The following RNF222 variants were observed in gnomAD, a reference collection of about 807,000 sequenced individuals.
RNF222 encodes ring finger protein 222.
A neutral mutation model predicts 10.8 loss-of-function variants in RNF222; 14 were observed. The ratio of observed to expected loss-of-function variants is 1.30; its 90% CI spans 0.86 to 2.03. The LOEUF (loss-of-function observed/expected upper bound fraction) is 2.03, where lower values mean the gene tolerates loss of function less well. RNF222 is among the 30% of genes most tolerant of loss of function. The pLI is 0.00. For synonymous variants in RNF222, 141 were observed against 142.5 expected, an observed-to-expected ratio of 0.99 and a Z score of 0.07; for missense variants, 298 against 295.8, an observed-to-expected ratio of 1.01 and a Z score of -0.06.
In RNF222 at chr17:8,393,539, G is replaced by C. The variant is rs1027359931; in HGVS notation, c.-25-53C>G. Reference sequence around the variant, plus strand: ...GGGGCATTTCCTCTTTCCCTCCCCCGTCCTAACTCCCACCTACACCTCTGC... The same window carrying C: ...GGGGCATTTCCTCTTTCCCTCCCCCCTCCTAACTCCCACCTACACCTCTGC... On this transcript the variant is annotated intron_variant, in intron 2 of 2. Transcript: ENST00000399398. 6.1e-6 allele frequency: 9 copies of C among 1,478,074 alleles called. No homozygotes were observed. The African/African-American group carries it at 1.3e-4, about 21-fold the overall frequency. 91.6% of individuals were successfully genotyped at this position (1,478,074 alleles called of 1,614,324 possible).
chr17:8,396,492 A>G (rs113389466), intron 1 of RNF222, among the ~76,000 whole-genome samples: 4,725 of 152,262 alleles, frequency 0.031, 234 homozygotes, highest in African/African-American at 0.1. Flanking sequence ...CGAGGCCCCA[A>G]TGATGGCCTC....
At chr17:8,395,111 C>G (rs902218800) in intron 1 of RNF222, among the ~76,000 whole-genome samples, 3 of 152,208 alleles carry the variant, frequency 2.0e-5, no homozygotes, top group African/African-American at 7.2e-5. Context: ...CCCTCCCTCT[C>G]TTGGCTTGGC....
In RNF222 at chr17:8,392,620, G is replaced by A. The variant is rs1463367450; in HGVS notation, c.*179C>T. 2 of 712,836 alleles carry A rather than the reference G, an allele frequency of 2.8e-6. No homozygotes were observed. Among genetic ancestry groups the A allele is most frequent in the South Asian group, 1.9e-5 (1 of 52,506 alleles). 44.2% of individuals were successfully genotyped at this position (712,836 alleles called of 1,614,324 possible). A position where few individuals can be genotyped will look rare whatever the true frequency, so the allele number is the denominator to read the frequency against. ...CGCCGCGCGCATGGAGTCAGCTCCA[G>A]CCTCTCTGTCGAGCGGAAGCCCCTG... On this transcript the variant is annotated 3_prime_UTR_variant, in exon 3 of 3. Coordinates refer to ENST00000399398, the MANE Select transcript of RNF222 (RefSeq NM_001146684.3). This position sits in a 1 kb window ranked among gnomAD's most constrained non-coding sequence, Gnocchi z 4.3.
chr17:8,392,180 TTC>T lies in RNF222; in HGVS notation c.*617_*618del, dbSNP rs1368053459. 6.6e-6 allele frequency: 1 copy of T among 152,620 alleles called. No homozygotes were observed. The highest frequency in any genetic ancestry group is 2.4e-5 in the African/African-American group (1 of 41,404). The allele number at this position is 152,620 out of a possible 1,614,324, so 9.5% of individuals were successfully genotyped here. ...GCCTCAGCTCTGCAGGAAGAACAGT[TTC>T]TGTTCATTCTCCCAGAAATTCTGGG... On this transcript the variant is annotated 3_prime_UTR_variant, in exon 3 of 3. Transcript: ENST00000399398. This position sits in a 1 kb window ranked among gnomAD's most constrained non-coding sequence, Gnocchi z 4.3.
rs771411181 is a variant in RNF222, at chr17:8,392,983, C to T, written c.479G>A (p.Gly160Glu). Residue 160 changes from glycine to glutamate, a missense_variant, in exon 3 of 3, where the codon GGG (glycine) becomes GAG (glutamate). By Grantham distance (98) the Gly-to-Glu change is moderately conservative. Coordinates refer to ENST00000399398, the MANE Select transcript of RNF222 (RefSeq NM_001146684.3). The surrounding 1 kb of genome is among the most constrained non-coding windows in gnomAD (Gnocchi z 4.3). ...FVISRHGMPL[G>E]EQDSVLPRRS... ...GCGGGGCAGCACGCTGTCCTGCTCC[C>T]CCAGGGGCATCCCGTGGCGGCTGAT... is the stretch of plus-strand genomic sequence containing the variant. 11 of 1,505,826 alleles carry T rather than the reference C, an allele frequency of 7.3e-6. No individual in the cohort carries two copies. The highest frequency in any genetic ancestry group is 5.5e-5 in the African/African-American group (4 of 72,322). 93.3% of individuals were successfully genotyped at this position (1,505,826 alleles called of 1,614,324 possible).
At chr17:8,396,341 T>C (rs1397066066) in intron 1 of RNF222, among the ~76,000 whole-genome samples, 3 of 152,076 alleles carry the variant, frequency 2.0e-5, no homozygotes, top group African/African-American at 4.8e-5. Flanking sequence ...TAGAATCAGC[T>C]GATAGATTGG....
intron 2 of RNF222, among the ~76,000 whole-genome samples, 200 bp downstream of exon 2, chr17:8,393,978 G>A (rs998817038): frequency 3.9e-5 from 6 of 152,230 alleles, no homozygotes; most frequent in African/African-American, 7.2e-5. Flanking sequence ...AGAAAAGCCC[G>A]TGCTAGTCTC....
At position 8,392,630 on chromosome 17, in the gene RNF222, C is replaced by G. The variant is rs1597501460; in HGVS notation, c.*169G>C. The G allele has an allele frequency of 1.3e-6, 1 of 779,504 alleles. No individual in the cohort carries two copies. The highest frequency in any genetic ancestry group is 2.0e-6 in the Non-Finnish European group (1 of 508,502). The allele number at this position is 779,504 out of a possible 1,614,324, so 48.3% of individuals were successfully genotyped here. A position where few individuals can be genotyped will look rare whatever the true frequency, so the allele number is the denominator to read the frequency against. On this transcript the variant is annotated 3_prime_UTR_variant, in exon 3 of 3. Transcript: ENST00000399398. The surrounding 1 kb of genome is among the most constrained non-coding windows in gnomAD (Gnocchi z 4.3). The stretch of plus-strand genomic sequence containing the variant: ...ATGGAGTCAGCTCCAGCCTCTCTGT[C>G]GAGCGGAAGCCCCTGCGGGGGTCGG...
In RNF222 at chr17:8,393,250, C is replaced by A. The variant is rs781568913; in HGVS notation, c.212G>T (p.Ser71Ile). The A allele has an allele frequency of 1.7e-5, 27 of 1,551,108 alleles. No individual in the cohort carries two copies. Among genetic ancestry groups the A allele is most frequent in the Non-Finnish European group, 2.2e-5 (25 of 1,146,986 alleles). Residue 71 changes from serine (S) to isoleucine (I), a missense_variant, in exon 3 of 3, where the codon AGC becomes ATC. Coordinates refer to ENST00000399398, the MANE Select transcript of RNF222 (RefSeq NM_001146684.3). ...GGAGGGCCAGCGGGAGCTCTTCTTG[C>A]TGAGGAATGTGACGTAGCGGCAGAT... ...CPICRYVTFL[S>I]KKSSRWPSML...
Position 8,391,690 on chromosome 17 carries a change from C to T in RNF222, c.*1109G>A, listed in dbSNP as rs954696912. 1.3e-5 allele frequency: 2 copies of T among 152,226 alleles called. No homozygotes were observed. The highest frequency in any genetic ancestry group is 4.8e-5 in the African/African-American group (2 of 41,434). The allele number at this position is 152,226 out of a possible 1,614,324, so 9.4% of individuals were successfully genotyped here. ...CTATCCCCGAATGACTCAGGCTAGA[C>T]CCAACCTGAGGCTCTTCACAGTCCA... On this transcript the variant is annotated 3_prime_UTR_variant, in exon 3 of 3. Transcript: ENST00000399398.
intron 1 of RNF222, among the ~76,000 whole-genome samples, chr17:8,396,952 G>A (rs1264641042): frequency 6.6e-6 from 1 of 152,154 alleles, no homozygotes; most frequent in African/African-American, 2.4e-5. Flanking sequence ...GGTGCCTTAG[G>A]AAACTGAGGG....
chr17:8,394,685 G>T lies in RNF222; in HGVS notation c.-177-356C>A, dbSNP rs111694990. ...ACTCCTGACCTCCGGTGATCCGCCC[G>T]CCTCGGCTGGCCTCCCAAAGTGCTG... On this transcript the variant is annotated intron_variant, in intron 1 of 2. Coordinates refer to ENST00000399398, the MANE Select transcript of RNF222 (RefSeq NM_001146684.3). 2.0e-3 allele frequency among the ~76,000 whole-genome samples: 311 copies of T among 152,210 alleles called. 5 individuals carry two copies. Among genetic ancestry groups the T allele is most frequent in the African/African-American group, 7.2e-3 (299 of 41,536 alleles).
chr17:8,395,042 G>A (rs1473215406), intron 1 of RNF222, among the ~76,000 whole-genome samples: 1 of 152,232 alleles, frequency 6.6e-6, no homozygotes, highest in African/African-American at 2.4e-5. Flanking sequence ...AGATGACATA[G>A]TGGGAACAAA....
chr17:8,396,807 A>C (rs1908052780), intron 1 of RNF222, among the ~76,000 whole-genome samples: 1 of 152,080 alleles, frequency 6.6e-6, no homozygotes, highest in Admixed American at 6.6e-5. Flanking sequence ...CCCATCCTTG[A>C]GTTCCTCTTA....
Position 8,393,451 on chromosome 17 carries a change from C to G in RNF222, c.11G>C (p.Gly4Ala), listed in dbSNP as rs1233364181. The change falls in exon 3 of 3, where the codon GGG (glycine) becomes GCG (alanine). Residue 4 changes from glycine (G) to alanine (A), a missense_variant. Coordinates refer to ENST00000399398, the MANE Select transcript of RNF222 (RefSeq NM_001146684.3). The stretch of plus-strand genomic sequence containing the variant: ...ACTGCCCGAGCTGTCCTTGCTCTCC[C>G]CTTCTGACATGGCCACTGGGAGATG... Reference protein sequence around the residue: MSEGESKDSSGSEC... With the variant: MSEAESKDSSGSEC... 6.5e-7 allele frequency: 1 copy of G among 1,548,836 alleles called. No individual in the cohort carries two copies. The highest frequency in any genetic ancestry group is 8.7e-7 in the Non-Finnish European group (1 of 1,145,586).
chr17:8,396,147 G>T (rs1361158362), intron 1 of RNF222, among the ~76,000 whole-genome samples: 3 of 152,168 alleles, frequency 2.0e-5, no homozygotes, highest in Non-Finnish European at 1.5e-5. Flanking sequence ...CTGACAAGAA[G>T]AGCAAATAAG....
At chr17:8,397,073 C>G (rs934908792) in intron 1 of RNF222, among the ~76,000 whole-genome samples, 1 of 152,074 alleles carries the variant, frequency 6.6e-6, no homozygotes, top group Non-Finnish European at 1.5e-5. Context: ...TAATTATATG[C>G]TTGGCATTTT....
intron 1 of RNF222, among the ~76,000 whole-genome samples, chr17:8,395,848 AAT>A (rs1410163870): frequency 1.3e-5 from 2 of 152,188 alleles, no homozygotes; most frequent in South Asian, 2.1e-4. Flanking sequence ...ATCAACTATT[AAT>A]ATGTTTCCCT....
At chr17:8,395,916 C>A (rs1303655026) in intron 1 of RNF222, among the ~76,000 whole-genome samples, 1 of 152,206 alleles carries the variant, frequency 6.6e-6, no homozygotes, top group African/African-American at 2.4e-5. Flanking sequence ...TTCTATCCAT[C>A]CATCCATCTG....
Sources: allele counts gnomAD v4.1 joint callset (sites outside exome capture counted in the v4.1 genomes callset), GRCh38; gene constraint gnomAD v4.1.1; non-coding constraint Gnocchi (gnomAD v3.1); transcripts MANE v1.5; gene names NCBI Gene and HGNC (gene_info 2026-07-23, HGNC 2026-07-21).